KCNJ5: variants seen among roughly 807,000 people sequenced by gnomAD.
The protein encoded by KCNJ5 is G protein-activated inward rectifier potassium channel 4.
A neutral mutation model predicts 20.2 loss-of-function variants in KCNJ5; 12 were observed. The observed-to-expected ratio is 0.59, with a 90% CI of 0.38 to 0.96. The LOEUF (loss-of-function observed/expected upper bound fraction) is 0.96. Ranked by LOEUF, KCNJ5 falls within the 40% of genes least tolerant of loss-of-function variation. The pLI is 0.00. For synonymous variants in KCNJ5, 210 were observed against 213.9 expected, an observed-to-expected ratio of 0.98 and a Z score of 0.16; for missense variants, 449 against 557.6, an observed-to-expected ratio of 0.81 and a Z score of 1.96.
At position 128,911,649 on chromosome 11, in the gene KCNJ5, T is replaced by C. The variant is rs749227488; in HGVS notation, c.376T>C (p.Trp126Arg). 2.5e-6 allele frequency: 4 copies of C among 1,614,048 alleles called. No individual in the cohort carries two copies. The highest frequency in any genetic ancestry group is 3.4e-6 in the Non-Finnish European group (4 of 1,179,996). The change falls in exon 2 of 3, where the codon TGG becomes CGG. Residue 126 changes from tryptophan to arginine, a missense_variant. Around this residue, in one of 5 missense-constraint regions of KCNJ5, gnomAD observed 203 missense variants for 258.0 expected, o/e 0.79. Transcript: ENST00000529694. The surrounding 1 kb of genome is among the most constrained non-coding windows in gnomAD (Gnocchi z 6.3). ...CCTGGACCATGTTGGCGACCAAGAGTGGATTCCTTGTGTTGAAAACCTCAG... is the reference window on the plus strand; with the variant it reads ...CCTGGACCATGTTGGCGACCAAGAGCGGATTCCTTGTGTTGAAAACCTCAG... The part of the protein sequence containing the change: ...GDLDHVGDQE[W>R]IPCVENLSGF...
At position 128,911,950 on chromosome 11, in the gene KCNJ5, A is replaced by T; in HGVS notation, c.677A>T (p.Asn226Ile). ...ATGTTCCGGGTGGGCGACCTCCGCA[A>T]CTCCCACATCGTGGAGGCCTCCATC... ...CLMFRVGDLR[N>I]SHIVEASIRA... Residue 226 changes from asparagine to isoleucine, a missense_variant, in exon 2 of 3, where the codon AAC becomes ATC. By Grantham distance (149) the Asn-to-Ile change is moderately radical. Around this residue, in one of 5 missense-constraint regions of KCNJ5, gnomAD observed 145 missense variants for 166.2 expected, o/e 0.87. Coordinates refer to ENST00000529694, the MANE Select transcript of KCNJ5 (RefSeq NM_000890.5). The surrounding 1 kb of genome is among the most constrained non-coding windows in gnomAD (Gnocchi z 6.3). The T allele has an allele frequency of 6.3e-7, 1 of 1,599,118 alleles. No homozygotes were observed.
chr11:128,897,003 G>C (rs529651214), intron 1 of KCNJ5, among the ~76,000 whole-genome samples: 3 of 147,976 alleles, frequency 2.0e-5, no homozygotes, highest in Non-Finnish European at 4.5e-5. Flanking sequence ...GCCAACATTT[G>C]TTATTGTCAC....
chr11:128,905,478 C>G (rs1944390135), intron 1 of KCNJ5: 1 of 152,574 alleles, frequency 6.6e-6, no homozygotes, highest in African/African-American at 2.4e-5. Flanking sequence ...TGGGGCTCCC[C>G]CGTCCCAGCC....
chr11:128,912,835 A>T (rs937080324), intron 2 of KCNJ5, among the ~76,000 whole-genome samples: 1 of 152,164 alleles, frequency 6.6e-6, no homozygotes, highest in African/African-American at 2.4e-5. Flanking sequence ...AGGTACAGAT[A>T]AAGACACAGG....
intron 1 of KCNJ5, among the ~76,000 whole-genome samples, chr11:128,903,996 C>T (rs1419800691): frequency 6.6e-6 from 1 of 152,222 alleles, no homozygotes; most frequent in African/African-American, 2.4e-5. Flanking sequence ...TGGAATCAGA[C>T]AAAACCTAGC....
chr11:128,916,852 G>T lies in KCNJ5; in HGVS notation c.*121G>T, dbSNP rs78979538. 9,319 of 774,406 alleles carry T rather than the reference G, an allele frequency of 0.012. 93 individuals carry two copies. The highest frequency in any genetic ancestry group is 0.016 in the Non-Finnish European group (7,741 of 483,800). 48.0% of individuals were successfully genotyped at this position (774,406 alleles called of 1,614,324 possible). A position where few individuals can be genotyped will look rare whatever the true frequency, so the allele number is the denominator to read the frequency against. ...GTTTGGGGGCTCAGGAGCCATCAAG[G>T]CTGTGGGGAGGAACCATAAACCCAG... On this transcript the variant is annotated 3_prime_UTR_variant, in exon 3 of 3. Coordinates refer to ENST00000529694, the MANE Select transcript of KCNJ5 (RefSeq NM_000890.5).
chr11:128,916,969 A>G lies in KCNJ5; in HGVS notation c.*238A>G, dbSNP rs1291039050. 1 of 510,244 alleles carries G rather than the reference A, an allele frequency of 2.0e-6. No individual in the cohort carries two copies. The highest frequency in any genetic ancestry group is 3.5e-6 in the Non-Finnish European group (1 of 287,554). 31.6% of individuals were successfully genotyped at this position (510,244 alleles called of 1,614,324 possible). A position where few individuals can be genotyped will look rare whatever the true frequency, so the allele number is the denominator to read the frequency against. On this transcript the variant is annotated 3_prime_UTR_variant, in exon 3 of 3. Transcript: ENST00000529694. The stretch of plus-strand genomic sequence containing the variant: ...TGCTGCCTCTTGTAGGTGCTGGCTA[A>G]GGGCCAGGCCAGGATGAGTTTCCCC...
rs1364449498 is a variant in KCNJ5, at chr11:128,891,431, CACACACACACAGAGAGAG to C, written c.-299_-282del. 4.3e-5 allele frequency: 4 copies of C among 92,688 alleles called. No individual in the cohort carries two copies. The highest frequency in any genetic ancestry group is 1.9e-4 in the African/African-American group (4 of 21,040). 5.7% of individuals were successfully genotyped at this position (92,688 alleles called of 1,614,324 possible). A position where few individuals can be genotyped will look rare whatever the true frequency, so the allele number is the denominator to read the frequency against. On this transcript the variant is annotated 5_prime_UTR_variant, in exon 1 of 3. Transcript: ENST00000529694. The stretch of plus-strand genomic sequence containing the variant: ...ACACACACACACACACACACACACA[CACACACACACAGAGAGAG>C]AGAGAGAGAGAGAGAGAGAGAGAGA...
chr11:128,904,546 G>A (rs1226820877), intron 1 of KCNJ5: 2 of 1,254,206 alleles, frequency 1.6e-6, no homozygotes, highest in African/African-American at 3.0e-5. Context: ...GGTGTGCACT[G>A]AGGACCAGCC....
chr11:128,910,756 C>A (rs1224112017), intron 1 of KCNJ5, among the ~76,000 whole-genome samples: 1 of 152,158 alleles, frequency 6.6e-6, no homozygotes, highest in Non-Finnish European at 1.5e-5. Flanking sequence ...CAAACTTATG[C>A]CCCTGTGGAG....
intron 1 of KCNJ5, chr11:128,902,602 G>C (rs570942009): frequency 6.2e-7 from 1 of 1,613,266 alleles, no homozygotes; most frequent in Non-Finnish European, 8.5e-7. Flanking sequence ...TGAGGGGGTA[G>C]CCCAGGCGGC....
chr11:128,912,203 A>G lies in KCNJ5; in HGVS notation c.930A>G (p.Glu310=). 6.2e-7 allele frequency: 1 copy of G among 1,601,788 alleles called. No homozygotes were observed. Among genetic ancestry groups the G allele is most frequent in the Non-Finnish European group, 8.5e-7 (1 of 1,179,778 alleles). The change falls in exon 2 of 3, where the codon GAA becomes GAG. Residue 310 remains glutamate (E), a synonymous_variant. Coordinates refer to ENST00000529694, the MANE Select transcript of KCNJ5 (RefSeq NM_000890.5). ...EVVVILEGMV[E]ATGMTCQARS... ...TGGTCATTCTAGAAGGGATGGTGGA[A>G]GCCACAGGTAAGGCGCTTTGTCCTC...
At position 128,919,097 on chromosome 11, in the gene KCNJ5, C is replaced by G. The variant is rs527296739; in HGVS notation, c.*2366C>G. The G allele has an allele frequency of 6.6e-6, 1 of 152,406 alleles. No homozygotes were observed. The highest frequency in any genetic ancestry group is 6.5e-5 in the Admixed American group (1 of 15,290). 9.4% of individuals were successfully genotyped at this position (152,406 alleles called of 1,614,324 possible). ...ACTAACAGCAAAACCATTCCACACC[C>G]CCTTGCCAGATCTAAGCCTGTCTTA... On this transcript the variant is annotated 3_prime_UTR_variant, in exon 3 of 3. Transcript: ENST00000529694.
At chr11:128,892,463 A>G (rs978129937) in intron 1 of KCNJ5, among the ~76,000 whole-genome samples, 3 of 152,176 alleles carry the variant, frequency 2.0e-5, no homozygotes, top group African/African-American at 7.2e-5. Flanking sequence ...CCGGCCCCCA[A>G]AGTTCTAGGG....
chr11:128,903,741 C>CGAG (rs749766132), intron 1 of KCNJ5, among the ~76,000 whole-genome samples: 75 of 152,208 alleles, frequency 4.9e-4, no homozygotes, highest in Non-Finnish European at 9.3e-4. Flanking sequence ...TTAGAAACAC[C>CGAG]GAGGAGCAGC....
chr11:128,892,990 T>C (rs769053741), intron 1 of KCNJ5, among the ~76,000 whole-genome samples: 4 of 152,224 alleles, frequency 2.6e-5, no homozygotes, highest in Non-Finnish European at 4.4e-5. Flanking sequence ...GTCTTTCCAC[T>C]AACAAAAGCT....
At chr11:128,916,060 GCCCTTTCCTGCCTTTTTTTCCATATC>G in intron 2 of KCNJ5, among the ~76,000 whole-genome samples, 2 of 66,844 alleles carry the variant, frequency 3.0e-5, no homozygotes, top group Admixed American at 1.6e-4. Context: ...CTATATCTTT[GCCCTTTCCTGCCTTTTTTTCCATATC>G]TGGATGGATA....
In KCNJ5 at chr11:128,891,681, A is replaced by C. The variant is rs1944094065; in HGVS notation, c.-51A>C. 1.3e-5 allele frequency: 2 copies of C among 152,280 alleles called. No individual in the cohort carries two copies. Among genetic ancestry groups the C allele is most frequent in the Non-Finnish European group, 2.9e-5 (2 of 68,118 alleles). 9.4% of individuals were successfully genotyped at this position (152,280 alleles called of 1,614,324 possible). ...GCACCGCCGCTAAGGGACACCCCAG[A>C]AGTTAGCATCAGTGGGACTCGGAAG... On this transcript the variant is annotated 5_prime_UTR_variant, in exon 1 of 3. Coordinates refer to ENST00000529694, the MANE Select transcript of KCNJ5 (RefSeq NM_000890.5).
chr11:128,916,533 C>A lies in KCNJ5; in HGVS notation c.1062C>A (p.Thr354=). ...YEVDYNTFHD[T]YETNTPSCCA... is the part of the protein sequence containing the mutation. ...TGGACTACAACACCTTCCATGATAC[C>A]TATGAGACCAACACACCCAGCTGCT... The change falls in exon 3 of 3, where the codon ACC becomes ACA. Residue 354 remains threonine, a synonymous_variant. Coordinates refer to ENST00000529694, the MANE Select transcript of KCNJ5 (RefSeq NM_000890.5). 1 of 1,614,122 alleles carries A rather than the reference C, an allele frequency of 6.2e-7. No homozygotes were observed. The highest frequency in any genetic ancestry group is 8.5e-7 in the Non-Finnish European group (1 of 1,180,016).
Sources: allele counts gnomAD v4.1 joint callset (sites outside exome capture counted in the v4.1 genomes callset), GRCh38; gene constraint gnomAD v4.1.1; regional missense constraint gnomAD v4.1.1; non-coding constraint Gnocchi (gnomAD v3.1); transcripts MANE v1.5; gene names NCBI Gene and HGNC (gene_info 2026-07-23, HGNC 2026-07-21).